TYW1: variants seen among roughly 807,000 people sequenced by gnomAD.
The protein encoded by TYW1 is S-adenosyl-L-methionine-dependent tRNA 4-demethylwyosine synthase TYW1.
In TYW1, 46 loss-of-function variants were observed where a neutral mutation model predicts 96.2. The ratio of observed to expected loss-of-function variants is 0.48; its 90% CI spans 0.38 to 0.61. The LOEUF (loss-of-function observed/expected upper bound fraction) is 0.61. TYW1 is among the 20% of genes least tolerant of loss of function. TYW1 has a pLI of 0.00. For synonymous variants in TYW1, 274 were observed against 323.0 expected, an observed-to-expected ratio of 0.85 and a Z score of 1.63; for missense variants, 684 against 909.6, an observed-to-expected ratio of 0.75 and a Z score of 3.19.
intron 13 of TYW1, among the ~76,000 whole-genome samples, chr7:67,161,546 A>G (rs1038989575): frequency 6.6e-6 from 1 of 152,168 alleles, no homozygotes; most frequent in African/African-American, 2.4e-5. Flanking sequence ...GCTAGGTCCA[A>G]TTCCTGGCCA....
At chr7:67,203,654 A>T (rs555976776) in intron 15 of TYW1, among the ~76,000 whole-genome samples, 1 of 150,190 alleles carries the variant, frequency 6.7e-6, no homozygotes, top group African/African-American at 2.5e-5. Flanking sequence ...TGCTTCAACT[A>T]TCAAAGGTAA....
intron 13 of TYW1, among the ~76,000 whole-genome samples, chr7:67,131,355 T>C (rs1798068188): frequency 6.6e-6 from 1 of 152,246 alleles, no homozygotes; most frequent in South Asian, 2.1e-4. Context: ...AAATATTTTA[T>C]ACATATGAAA....
intron 15 of TYW1, among the ~76,000 whole-genome samples, chr7:67,198,854 G>A (rs9886290): frequency 0.25 from 38,191 of 151,902 alleles, 4,980 homozygotes; most frequent in African/African-American, 0.3. Context: ...CTTTTATGAT[G>A]TTGCTATTTT....
At chr7:67,009,085 C>T (rs538912195) in intron 3 of TYW1, among the ~76,000 whole-genome samples, 1 of 152,310 alleles carries the variant, frequency 6.6e-6, no homozygotes, top group Non-Finnish European at 1.5e-5. Flanking sequence ...TCGTAGCTCA[C>T]TGTATCCTCT....
chr7:67,050,099 T>C, intron 8 of TYW1, 33 bp downstream of exon 8: 1 of 1,610,922 alleles, frequency 6.2e-7, no homozygotes, highest in Non-Finnish European at 8.5e-7. Flanking sequence ...GTTATATGAC[T>C]GTAGTCTTAG....
At chr7:67,083,313 C>T in intron 10 of TYW1, 117 bp from the exon 11 acceptor site, 1 of 976,912 alleles carries the variant, frequency 1.0e-6, no homozygotes, top group Admixed American at 2.3e-5. Context: ...TGGTTGAACT[C>T]TTAGGAGGAA....
At position 66,999,019 on chromosome 7, in the gene TYW1, T is replaced by C. The variant is rs543685852; in HGVS notation, c.273+65T>C. Reference sequence around the variant, plus strand: ...CATTTTAAGAAAATCCCTTTAGCAGTGAACTTTAGCAGTGAACTGTCCTTT... The same window carrying C: ...CATTTTAAGAAAATCCCTTTAGCAGCGAACTTTAGCAGTGAACTGTCCTTT... On this transcript the variant is annotated intron_variant, in intron 3 of 15. Transcript: ENST00000359626. The C allele has an allele frequency of 1.7e-4, 259 of 1,567,650 alleles. No individual in the cohort carries two copies. The African/African-American group carries it at 3.2e-3, about 19-fold the overall frequency.
At chr7:67,067,145 G>C (rs1247048671) in intron 9 of TYW1, 140 bp from the exon 10 acceptor site, 2 of 960,578 alleles carry the variant, frequency 2.1e-6, no homozygotes, top group Admixed American at 4.4e-5. Context: ...GCTCTGATGC[G>C]AATTTCCTGC....
At chr7:67,186,327 G>A (rs35687064) in intron 14 of TYW1, among the ~76,000 whole-genome samples, 88,040 of 136,634 alleles carry the variant, frequency 0.64, 28,412 homozygotes, top group Middle Eastern at 0.75. Context: ...TTCTATAAAG[G>A]ACAGGTATTT....
intron 8 of TYW1, among the ~76,000 whole-genome samples, chr7:67,052,571 G>A (rs1795389319): frequency 6.6e-6 from 1 of 152,014 alleles, no homozygotes; most frequent in Non-Finnish European, 1.5e-5. Context: ...CTGTTTTAAT[G>A]TCCTAATCTG....
chr7:67,076,633 G>T (rs1273266576), intron 10 of TYW1, among the ~76,000 whole-genome samples: 1 of 151,610 alleles, frequency 6.6e-6, no homozygotes, highest in Admixed American at 6.6e-5. Flanking sequence ...ACGCCACCAA[G>T]CCTGGATAAT....
At chr7:67,236,243 C>G (rs1415566986) in intron 15 of TYW1, among the ~76,000 whole-genome samples, 1 of 152,208 alleles carries the variant, frequency 6.6e-6, no homozygotes, top group African/African-American at 2.4e-5. Flanking sequence ...CCAAGAGATG[C>G]AGATTTGATA....
rs186433297 is a variant in TYW1, at chr7:67,097,777, C to T, written c.1385-764C>T. Reference sequence around the variant, plus strand: ...GCATGATAGTGGTTCACTGCAGCCTCAATCTCCCAGACTCAAGTGATCTTC... The same window carrying T: ...GCATGATAGTGGTTCACTGCAGCCTTAATCTCCCAGACTCAAGTGATCTTC... On this transcript the variant is annotated intron_variant, in intron 11 of 15. Transcript: ENST00000359626. Among the ~76,000 whole-genome samples the T allele has an allele frequency of 2.1e-3, 312 of 151,816 alleles. 4 individuals are homozygous for T. Among genetic ancestry groups the T allele is most frequent in the African/African-American group, 7.2e-3 (299 of 41,424 alleles).
rs55931505 is a variant in TYW1 at position 67,079,171 on chromosome 7, GGTGTGT to G, written c.1275-4234_1275-4229del. On this transcript the variant is annotated intron_variant, in intron 10 of 15. Coordinates refer to ENST00000359626, the MANE Select transcript of TYW1 (RefSeq NM_018264.4). ...TAGTTTGAAAAGTATTCGTGTGAGA[GGTGTGT>G]GTGTGTGTGTGTGTGTGTGTGTGTT... Among the ~76,000 whole-genome samples the G allele has an allele frequency of 1.2e-3, 175 of 148,898 alleles. 1 individual carries two copies. Among genetic ancestry groups the G allele is most frequent in the African/African-American group, 4.0e-3 (162 of 40,646 alleles).
chr7:67,005,517 G>A (rs2129238099), intron 3 of TYW1, among the ~76,000 whole-genome samples: 1 of 152,286 alleles, frequency 6.6e-6, no homozygotes, highest in East Asian at 1.9e-4. Flanking sequence ...GATTGCTTGA[G>A]CCCAGGAGGT....
chr7:67,135,382 G>T lies in TYW1; in HGVS notation c.1698+17764G>T, dbSNP rs184695546. Among the ~76,000 whole-genome samples, 334 of 138,618 alleles carry T rather than the reference G, an allele frequency of 2.4e-3. 1 individual carries two copies. Among genetic ancestry groups the T allele is most frequent in the Middle Eastern group, 0.016 (4 of 252 alleles). 90.9% of individuals were successfully genotyped at this position (138,618 alleles called of 152,430 possible). ...TACAGTGGCATGATCTTAGCATGCT[G>T]CAACCTCCGCCTCCTGGGTTCAAGC... On this transcript the variant is annotated intron_variant, in intron 13 of 15. Transcript: ENST00000359626.
chr7:67,046,357 T>C (rs1795187435), intron 7 of TYW1, among the ~76,000 whole-genome samples: 2 of 152,162 alleles, frequency 1.3e-5, no homozygotes, highest in South Asian at 4.1e-4. Context: ...TCGAGTTACC[T>C]GACCTACAAC....
chr7:67,021,009 C>T (rs1363018868), intron 6 of TYW1, among the ~76,000 whole-genome samples: 1 of 152,286 alleles, frequency 6.6e-6, no homozygotes, highest in Non-Finnish European at 1.5e-5. Context: ...GCCTGGGTGA[C>T]AGAGCGAGAC....
chr7:67,172,655 T>C (rs1799551842), intron 13 of TYW1, among the ~76,000 whole-genome samples: 1 of 152,148 alleles, frequency 6.6e-6, no homozygotes, highest in African/African-American at 2.4e-5. Flanking sequence ...ACTCCTGACC[T>C]CAGGGGATCT....
Sources: gnomAD v4.1 joint callset for allele counts (sites outside exome capture counted in the v4.1 genomes callset) on GRCh38, gnomAD v4.1.1 for gene constraint, MANE v1.5 for transcripts, NCBI Gene and HGNC (gene_info 2026-07-23, HGNC 2026-07-21) for gene names.